The following NCKAP5 variants were observed in gnomAD, a reference collection of about 807,000 sequenced individuals.
NCKAP5 encodes NCK associated protein 5.
A neutral mutation model predicts 167.0 loss-of-function variants in NCKAP5; 92 were observed. The observed-to-expected ratio is 0.55, with a 90% CI of 0.47 to 0.66. The LOEUF is 0.66. Ranked by LOEUF, NCKAP5 falls within the 30% of genes least tolerant of loss-of-function variation. The probability of loss-of-function intolerance (pLI) is 0.00; values close to 1 mark genes in which losing one functional copy is unlikely to be tolerated. For synonymous variants in NCKAP5, 891 were observed against 877.4 expected (o/e 1.02, Z -0.27); for missense variants, 2,378 against 2,315.0 (o/e 1.03, Z -0.56).
At chr2:132,703,580 T>C (rs1688075471) in intron 19 of NCKAP5, among the ~76,000 whole-genome samples, 1 of 152,180 alleles carries the variant, frequency 6.6e-6, no homozygotes, top group Non-Finnish European at 1.5e-5. Flanking sequence ...TCCTCTATGG[T>C]CCATTGCGAT....
chr2:133,305,160 T>C (rs1471559263), intron 3 of NCKAP5, among the ~76,000 whole-genome samples: 1 of 152,204 alleles, frequency 6.6e-6, no homozygotes, highest in African/African-American at 2.4e-5. Flanking sequence ...GACCAAATCA[T>C]GTGCAAGCCT....
intron 11 of NCKAP5, among the ~76,000 whole-genome samples, chr2:132,815,812 C>T (rs1389134492): frequency 6.6e-6 from 1 of 152,162 alleles, no homozygotes; most frequent in Non-Finnish European, 1.5e-5. Flanking sequence ...CAAAATAGCT[C>T]AATTGATTGG....
intron 3 of NCKAP5, among the ~76,000 whole-genome samples, chr2:133,474,428 G>A (rs1365663630): frequency 1.3e-5 from 2 of 152,156 alleles, no homozygotes; most frequent in Non-Finnish European, 2.9e-5. Context: ...GGAGATATTA[G>A]TCGAAGGACA....
intron 11 of NCKAP5, among the ~76,000 whole-genome samples, chr2:132,832,391 T>G (rs1687585954): frequency 6.6e-6 from 1 of 152,134 alleles, no homozygotes; most frequent in Non-Finnish European, 1.5e-5. Context: ...GTTTTGCATG[T>G]ATATATGGGG....
At chr2:132,813,131 G>C (rs917381915) in intron 11 of NCKAP5, among the ~76,000 whole-genome samples, 1 of 152,232 alleles carries the variant, frequency 6.6e-6, no homozygotes, top group Non-Finnish European at 1.5e-5. Context: ...AGACGAGAGA[G>C]AATGTGCCAT....
At chr2:133,106,688 C>A (rs2081715594) in intron 6 of NCKAP5, among the ~76,000 whole-genome samples, 1 of 152,166 alleles carries the variant, frequency 6.6e-6, no homozygotes, top group African/African-American at 2.4e-5. Context: ...ACTGTAAAAA[C>A]AGCAGTTTTT....
chr2:133,456,083 T>A (rs1287378956), intron 3 of NCKAP5, among the ~76,000 whole-genome samples: 1 of 152,212 alleles, frequency 6.6e-6, no homozygotes. Context: ...AATGATATTA[T>A]CACTTTATGA....
At chr2:133,242,185 T>A (rs2087743803) in intron 4 of NCKAP5, among the ~76,000 whole-genome samples, 1 of 143,558 alleles carries the variant, frequency 7.0e-6, no homozygotes, top group South Asian at 2.4e-4. Flanking sequence ...GAATTACACA[T>A]CCACCTTCTG....
intron 3 of NCKAP5, among the ~76,000 whole-genome samples, chr2:133,492,472 A>G (rs961011424): frequency 1.3e-5 from 2 of 152,160 alleles, no homozygotes; most frequent in African/African-American, 2.4e-5. Flanking sequence ...TTATAACACA[A>G]CGCTTCCTGT....
the NCKAP5 span, among the ~76,000 whole-genome samples, chr2:133,622,562 A>G: frequency 6.6e-5 from 10 of 151,932 alleles, no homozygotes; most frequent in Admixed American, 6.6e-4. Flanking sequence ...AACAAAAACA[A>G]AAAGAAAAAC....
intron 5 of NCKAP5, among the ~76,000 whole-genome samples, chr2:133,193,167 G>T (rs1457899215): frequency 1.3e-5 from 2 of 152,018 alleles, no homozygotes; most frequent in Non-Finnish European, 2.9e-5. Flanking sequence ...TATACTACAT[G>T]ATTCCATTTA....
chr2:133,660,596 T>G, the NCKAP5 span, among the ~76,000 whole-genome samples: 1 of 152,204 alleles, frequency 6.6e-6, no homozygotes, highest in Non-Finnish European at 1.5e-5. Context: ...CATTACATAC[T>G]GAAACATTAT....
At position 132,783,361 on chromosome 2, in the gene NCKAP5, G is replaced by A. The variant is rs763230277; in HGVS notation, c.3450C>T (p.Leu1150=). The A allele has an allele frequency of 1.9e-6, 3 of 1,611,530 alleles. No homozygotes were observed. Residue 1150 remains leucine, a synonymous_variant, in exon 14 of 20, where the codon CTC becomes CTT. Transcript: ENST00000409261. ...GCTGGGGAGACTTCATGAGCACTTT[G>A]AGTCCCACTGGAAGGCGAGTTTTCA... ...KGLKTRLPVG[L]KVLMKSPQLL...
chr2:133,225,842 G>C (rs1245239515), intron 4 of NCKAP5, among the ~76,000 whole-genome samples: 2 of 141,322 alleles, frequency 1.4e-5, no homozygotes, highest in African/African-American at 5.3e-5. Flanking sequence ...GAGTTCAGTG[G>C]CGCGATCTCG....
In NCKAP5 at chr2:133,227,924, G is replaced by A. The variant is rs938342934; in HGVS notation, c.144-14145C>T. Among the ~76,000 whole-genome samples the A allele has an allele frequency of 1.1e-4, 16 of 152,310 alleles. No homozygotes were observed. In the South Asian group the frequency reaches 3.3e-3, roughly 32 times the overall value. On this transcript the variant is annotated intron_variant, in intron 4 of 19. Coordinates refer to ENST00000409261, the MANE Select transcript of NCKAP5 (RefSeq NM_207363.3). Reference sequence around the variant, plus strand: ...GGAACTGAACCACCAAACTCTAGGAGAAGCAAGAGCTGGGTAAGCAGCAGG... The same window carrying A: ...GGAACTGAACCACCAAACTCTAGGAAAAGCAAGAGCTGGGTAAGCAGCAGG...
chr2:133,296,340 T>TCCCCCCCCCCC (rs1559360468), intron 4 of NCKAP5, among the ~76,000 whole-genome samples: 1 of 150,460 alleles, frequency 6.6e-6, no homozygotes. Context: ...TTCTCTAACA[T>TCCCCCCCCCCC]CCCCACCCCC....
At chr2:133,269,900 G>T (rs1279276451) in intron 4 of NCKAP5, among the ~76,000 whole-genome samples, 1 of 152,164 alleles carries the variant, frequency 6.6e-6, no homozygotes, top group East Asian at 1.9e-4. Flanking sequence ...TTTGAATGTA[G>T]AGCCAACAAT....
At chr2:133,245,272 A>C (rs1228163667) in intron 4 of NCKAP5, among the ~76,000 whole-genome samples, 1 of 152,222 alleles carries the variant, frequency 6.6e-6, no homozygotes, top group Non-Finnish European at 1.5e-5. Flanking sequence ...TATTCATTTA[A>C]TGAAATGCTG....
the NCKAP5 span, among the ~76,000 whole-genome samples, chr2:133,669,331 TG>T: frequency 6.6e-6 from 1 of 152,194 alleles, no homozygotes; most frequent in Non-Finnish European, 1.5e-5. Flanking sequence ...TGGCCATTTT[TG>T]TCAGTGCTTT....
Sources: allele counts gnomAD v4.1 joint callset (sites outside exome capture counted in the v4.1 genomes callset), GRCh38; gene constraint gnomAD v4.1.1; transcripts MANE v1.5; gene names NCBI Gene and HGNC (gene_info 2026-07-23, HGNC 2026-07-21).